Variants in ABCC9 observed in about 807,000 individuals in gnomAD.
ABCC9 encodes the protein ATP binding cassette subfamily C member 9.
ABCC9 carries 95 observed loss-of-function variants against 188.3 expected under a neutral mutation model. The observed-to-expected ratio is 0.50, with a 90% CI of 0.43 to 0.60. The LOEUF (loss-of-function observed/expected upper bound fraction) is 0.60, where lower values mean the gene tolerates loss of function less well. Among genes scored for constraint, ABCC9 ranks in the 20% least tolerant of loss-of-function variants. The pLI is 0.00. For synonymous variants in ABCC9, 659 were observed against 652.7 expected (o/e 1.01, Z -0.15); for missense variants, 1,102 against 1,876.3 (o/e 0.59, Z 7.62).
At chr12:21,837,581 T>C (rs1413188063) in intron 30 of ABCC9, among the ~76,000 whole-genome samples, 1 of 152,168 alleles carries the variant, frequency 6.6e-6, no homozygotes, top group African/African-American at 2.4e-5. Context: ...ATTACTCTGT[T>C]TACAAACCTT....
chr12:21,914,084 T>C (rs759723040), intron 7 of ABCC9, among the ~76,000 whole-genome samples: 57 of 152,300 alleles, frequency 3.7e-4, no homozygotes, highest in Non-Finnish European at 6.8e-4. Context: ...TGTTGTAACC[T>C]TTTCCTGCCA....
intron 18 of ABCC9, among the ~76,000 whole-genome samples, chr12:21,867,779 GC>G (rs1945854123): frequency 6.7e-6 from 1 of 150,134 alleles, no homozygotes; most frequent in African/African-American, 2.5e-5. Flanking sequence ...GACAGAAGGG[GC>G]CTGAAGAGGA....
intron 16 of ABCC9, among the ~76,000 whole-genome samples, chr12:21,876,301 C>T (rs781501620): frequency 2.0e-5 from 3 of 152,146 alleles, no homozygotes; most frequent in Non-Finnish European, 2.9e-5. Flanking sequence ...TTATCCCAAA[C>T]ATTTCCCAAT....
chr12:21,805,798 CAGTT>C (rs1941795246), intron 39 of ABCC9, among the ~76,000 whole-genome samples, 196 bp downstream of exon 39: 1 of 152,152 alleles, frequency 6.6e-6, no homozygotes, highest in South Asian at 2.1e-4. Context: ...TTAGGGAAGT[CAGTT>C]AGGTAGAGCA....
intron 5 of ABCC9, chr12:21,925,590 A>T: frequency 1.4e-6 from 1 of 692,290 alleles, no homozygotes. Context: ...ACAGGGCAGC[A>T]TGGTGCCGCA....
At chr12:21,806,530 AT>A (rs1296118319) in intron 38 of ABCC9, among the ~76,000 whole-genome samples, 1 of 152,218 alleles carries the variant, frequency 6.6e-6, no homozygotes, top group Non-Finnish European at 1.5e-5. Context: ...TTATAATTAT[AT>A]TTTAAAGGCT....
chr12:21,894,579 C>T (rs1565456538), intron 13 of ABCC9, among the ~76,000 whole-genome samples: 2 of 72,032 alleles, frequency 2.8e-5, no homozygotes. Context: ...TTTACTAAAA[C>T]TGTCAGCATT....
intron 39 of ABCC9, among the ~76,000 whole-genome samples, chr12:21,801,801 T>G (rs1941448761): frequency 6.6e-6 from 1 of 152,236 alleles, no homozygotes; most frequent in African/African-American, 2.4e-5. Flanking sequence ...TCTGAGCATA[T>G]GCCATATATT....
chr12:21,804,661 A>T (rs921908992), intron 39 of ABCC9, among the ~76,000 whole-genome samples: 4 of 152,232 alleles, frequency 2.6e-5, no homozygotes, highest in African/African-American at 9.6e-5. Flanking sequence ...TGCAGGAAGT[A>T]GGCCCTGATG....
At chr12:21,932,752 T>A (rs1481546415) in intron 4 of ABCC9, among the ~76,000 whole-genome samples, 2 of 152,120 alleles carry the variant, frequency 1.3e-5, no homozygotes, top group Non-Finnish European at 2.9e-5. Flanking sequence ...CTGGTGAGGC[T>A]GTGGAGAAAA....
intron 30 of ABCC9, among the ~76,000 whole-genome samples, chr12:21,835,792 A>G (rs951550176): frequency 2.0e-5 from 3 of 152,162 alleles, no homozygotes; most frequent in African/African-American, 7.2e-5. Context: ...TCAAACCTGT[A>G]TCTTCTGCCC....
At chr12:21,891,006 C>A (rs1425390827) in intron 14 of ABCC9, among the ~76,000 whole-genome samples, 1 of 151,862 alleles carries the variant, frequency 6.6e-6, no homozygotes, top group Non-Finnish European at 1.5e-5. Context: ...CTTTACTGAC[C>A]AGATAGTTTC....
rs746467455 is a variant in ABCC9 at position 21,894,163 on chromosome 12, G to T, written c.1671C>A (p.Thr557=). 4.3e-6 allele frequency: 7 copies of T among 1,613,800 alleles called. No homozygotes were observed. Among genetic ancestry groups the T allele is most frequent in the Non-Finnish European group, 5.1e-6 (6 of 1,179,968 alleles). The change falls in exon 14 of 40, where the codon ACC becomes ACA. Residue 557 remains threonine, a synonymous_variant. Coordinates refer to ENST00000261200, the MANE Select transcript of ABCC9 (RefSeq NM_020297.4). ...GATTGTTTCCACTGGCATACGCATG[G>T]GTCACAAATGTCTGTGCAAAGAAAG... ...PIAAVLATFV[T]HAYASGNNLK...
At chr12:21,866,058 G>GA (rs34070267) in intron 18 of ABCC9, among the ~76,000 whole-genome samples, 39,451 of 140,286 alleles carry the variant, frequency 0.28, 5,635 homozygotes, top group Admixed American at 0.39. Flanking sequence ...TGTGCTAGAT[G>GA]AAAAAAAAAA....
chr12:21,841,064 T>A (rs1944360016), intron 29 of ABCC9, among the ~76,000 whole-genome samples: 1 of 152,238 alleles, frequency 6.6e-6, no homozygotes, highest in Non-Finnish European at 1.5e-5. Flanking sequence ...TATACATTTC[T>A]TGAGAACAGG....
At chr12:21,881,922 A>G (rs1946637143) in intron 16 of ABCC9, among the ~76,000 whole-genome samples, 1 of 152,190 alleles carries the variant, frequency 6.6e-6, no homozygotes, top group Admixed American at 6.5e-5. Context: ...ATCATGCATC[A>G]AATTAGTGGA....
chr12:21,818,386 A>G, intron 31 of ABCC9, 135 bp from the exon 32 acceptor site: 2 of 727,692 alleles, frequency 2.7e-6, no homozygotes, highest in Non-Finnish European at 4.9e-6. Context: ...GAGGAAGAAT[A>G]CCTAAGATGT....
intron 4 of ABCC9, among the ~76,000 whole-genome samples, chr12:21,928,662 T>C (rs1405883253): frequency 6.6e-6 from 1 of 152,142 alleles, no homozygotes; most frequent in African/African-American, 2.4e-5. Context: ...AGAAAAAGAA[T>C]GACAAACCAT....
rs1174314931 is a variant in ABCC9, at chr12:21,841,347, C to CTTTTTTTTTTTTTTTTTTTTTT, written c.3473+945_3473+966dup. Among the ~76,000 whole-genome samples the CTTTTTTTTTTTTTTTTTTTTTT allele has an allele frequency of 2.0e-4, 4 of 19,604 alleles. 2 individuals are homozygous for CTTTTTTTTTTTTTTTTTTTTTT. The highest frequency in any genetic ancestry group is 5.2e-4 in the African/African-American group (2 of 3,810). 12.9% of individuals were successfully genotyped at this position (19,604 alleles called of 152,430 possible). On this transcript the variant is annotated intron_variant, in intron 29 of 39. Transcript: ENST00000261200. ...TCTTTGGGATTATGTTTCTGGTTTC[C>CTTTTTTTTTTTTTTTTTTTTTT]TTTTTTTTTTTTTTTTTTTTTTTTT...
Sources: gnomAD v4.1 joint callset for allele counts (sites outside exome capture counted in the v4.1 genomes callset) on GRCh38, gnomAD v4.1.1 for gene constraint, MANE v1.5 for transcripts, NCBI Gene and HGNC (gene_info 2026-07-23, HGNC 2026-07-21) for gene names.